PDE12: variants seen among roughly 807,000 people sequenced by gnomAD.
PDE12 encodes phosphodiesterase 12.
Under a neutral mutation model 45.4 loss-of-function variants are expected in PDE12, and 26 were observed. The ratio of observed to expected loss-of-function variants is 0.57; its 90% CI spans 0.42 to 0.79. The LOEUF (loss-of-function observed/expected upper bound fraction) is 0.79, where lower values mean the gene tolerates loss of function less well. PDE12 is among the 30% of genes least tolerant of loss of function. The pLI, the probability that PDE12 is intolerant of heterozygous loss-of-function variation, is 0.00. For missense variants in PDE12, 668 were observed against 790.0 expected, an observed-to-expected ratio of 0.85 and a Z score of 1.85; for synonymous variants, 283 against 323.9, an observed-to-expected ratio of 0.87 and a Z score of 1.36.
At chr3:57,580,706 C>CT in the PDE12 span, among the ~76,000 whole-genome samples, 3 of 151,986 alleles carry the variant, frequency 2.0e-5, no homozygotes, top group Non-Finnish European at 4.4e-5. Flanking sequence ...GAAACCTACC[C>CT]TTTACAAGAG....
chr3:57,644,870 T>C, the PDE12 span, among the ~76,000 whole-genome samples: 2 of 141,578 alleles, frequency 1.4e-5, no homozygotes, highest in East Asian at 2.1e-4. Flanking sequence ...GCCCACTGGG[T>C]GAAACAGTGA....
chr3:57,619,258 G>T, the PDE12 span, among the ~76,000 whole-genome samples: 3 of 152,194 alleles, frequency 2.0e-5, no homozygotes, highest in East Asian at 5.9e-4. Context: ...TGAGGCAGGA[G>T]AATGGTGTGA....
the PDE12 span, among the ~76,000 whole-genome samples, chr3:57,602,696 G>A: frequency 1.3e-5 from 2 of 151,886 alleles, no homozygotes; most frequent in Non-Finnish European, 2.9e-5. Context: ...TCAGCCTCCC[G>A]AGTAGCTGGG....
At chr3:57,633,962 T>TA in the PDE12 span, among the ~76,000 whole-genome samples, 8 of 151,670 alleles carry the variant, frequency 5.3e-5, no homozygotes, top group Admixed American at 3.9e-4. Flanking sequence ...CTATTTACAT[T>TA]AAAAAAAATG....
the PDE12 span, chr3:57,633,148 A>G: frequency 7.1e-6 from 6 of 842,916 alleles, no homozygotes; most frequent in South Asian, 1.0e-4. Flanking sequence ...TTTAATCACT[A>G]AATATACCAG....
At chr3:57,603,896 A>T in the PDE12 span, among the ~76,000 whole-genome samples, 76 of 150,342 alleles carry the variant, frequency 5.1e-4, no homozygotes, top group African/African-American at 1.7e-3. Context: ...TGCTGGGATT[A>T]CAGGCGTGAG....
At chr3:57,594,261 C>T in the PDE12 span, among the ~76,000 whole-genome samples, 2 of 152,186 alleles carry the variant, frequency 1.3e-5, no homozygotes, top group African/African-American at 4.8e-5. Context: ...GACGCTATTG[C>T]TTTATTTTTA....
chr3:57,616,378 GGGA>G, the PDE12 span, among the ~76,000 whole-genome samples: 1 of 147,332 alleles, frequency 6.8e-6, no homozygotes, highest in Middle Eastern at 3.2e-3. Flanking sequence ...GGAGGCAGGG[GGGA>G]GGAGGAGAAG....
chr3:57,558,847 C>CT (rs113487542), intron 1 of PDE12, among the ~76,000 whole-genome samples: 1 of 151,696 alleles, frequency 6.6e-6, no homozygotes, highest in Non-Finnish European at 1.5e-5. Flanking sequence ...GATCCTGAAA[C>CT]TTTAAGTTGG....
chr3:57,652,049 A>T, the PDE12 span, among the ~76,000 whole-genome samples: 2 of 151,946 alleles, frequency 1.3e-5, no homozygotes, highest in African/African-American at 4.8e-5. Context: ...ATAATAAAAT[A>T]AAAATAAAAA....
the PDE12 span, among the ~76,000 whole-genome samples, chr3:57,633,953 T>A: frequency 1.3e-5 from 2 of 152,142 alleles, no homozygotes; most frequent in East Asian, 3.9e-4. Flanking sequence ...TATACTATAC[T>A]ATTTACATTA....
the PDE12 span, among the ~76,000 whole-genome samples, chr3:57,606,185 T>C: frequency 6.6e-6 from 1 of 152,172 alleles, no homozygotes; most frequent in Non-Finnish European, 1.5e-5. Flanking sequence ...CAAAGTGTAT[T>C]GCTATCAAAT....
chr3:57,616,687 C>T, the PDE12 span, among the ~76,000 whole-genome samples: 6 of 152,142 alleles, frequency 3.9e-5, no homozygotes, highest in Admixed American at 3.3e-4. Context: ...CCAACTCATT[C>T]TGTGAAGCCT....
chr3:57,622,992 A>C, the PDE12 span, among the ~76,000 whole-genome samples: 1 of 152,208 alleles, frequency 6.6e-6, no homozygotes, highest in Non-Finnish European at 1.5e-5. Flanking sequence ...GAATATGTTC[A>C]CTATCTTGGC....
chr3:57,611,466 A>AT, the PDE12 span, among the ~76,000 whole-genome samples: 1 of 152,288 alleles, frequency 6.6e-6, no homozygotes, highest in East Asian at 1.9e-4. Flanking sequence ...ATGGGAGAAA[A>AT]TTTTTGCAAT....
At chr3:57,574,901 T>A in the PDE12 span, among the ~76,000 whole-genome samples, 1 of 149,400 alleles carries the variant, frequency 6.7e-6, no homozygotes, top group Non-Finnish European at 1.5e-5. Context: ...CAGGCTGGAG[T>A]GCAGTGGCGC....
chr3:57,643,871 C>T, the PDE12 span, among the ~76,000 whole-genome samples: 3 of 151,318 alleles, frequency 2.0e-5, no homozygotes, highest in Non-Finnish European at 2.9e-5. Flanking sequence ...CAGTCTGGGC[C>T]AGGCGTGGTG....
At chr3:57,655,703 C>G in the PDE12 span, among the ~76,000 whole-genome samples, 1 of 152,002 alleles carries the variant, frequency 6.6e-6, no homozygotes, top group African/African-American at 2.4e-5. Context: ...AAACTTGGGC[C>G]CATCCCCAAG....
At chr3:57,597,135 G>A in the PDE12 span, 2 of 1,614,038 alleles carry the variant, frequency 1.2e-6, no homozygotes, top group Middle Eastern at 1.6e-4. Flanking sequence ...AGATAGTGAG[G>A]CCCATGGCGG....
Sources: allele counts gnomAD v4.1 joint callset (sites outside exome capture counted in the v4.1 genomes callset), GRCh38; gene constraint gnomAD v4.1.1; transcripts MANE v1.5; gene names NCBI Gene and HGNC (gene_info 2026-07-23, HGNC 2026-07-21).